CLDN16: variants seen among roughly 807,000 people sequenced by gnomAD.
The protein encoded by CLDN16 is claudin-16.
In CLDN16, 13 loss-of-function variants were observed where a neutral mutation model predicts 24.6. That is an observed-to-expected ratio of 0.53 (90% CI 0.34 to 0.84). The LOEUF (loss-of-function observed/expected upper bound fraction) is 0.84. Ranked by LOEUF, CLDN16 falls within the 40% of genes least tolerant of loss-of-function variation. The pLI is 0.01. For synonymous variants in CLDN16, 116 were observed against 106.7 expected, an observed-to-expected ratio of 1.09 and a Z score of -0.54; for missense variants, 298 against 292.7, an observed-to-expected ratio of 1.02 and a Z score of -0.13.
At chr3:190,385,664 G>T (rs181647030), upstream of CLDN16, among the ~76,000 whole-genome samples, 100 of 151,976 alleles carry the variant, frequency 6.6e-4, no homozygotes, top group African/African-American at 2.3e-3. Flanking sequence ...GCATTTTTTG[G>T]TCTTTATTTC....
chr3:190,374,997 T>G (rs1291378309), intron 3 of CLDN16, among the ~76,000 whole-genome samples: 3 of 151,962 alleles, frequency 2.0e-5, no homozygotes, highest in Admixed American at 2.0e-4. Context: ...ATATCTATAC[T>G]ATATTTCCTT....
intron 1 of CLDN16, among the ~76,000 whole-genome samples, chr3:190,324,004 T>C (rs1336557862): frequency 6.6e-6 from 1 of 151,928 alleles, no homozygotes; most frequent in Non-Finnish European, 1.5e-5. Flanking sequence ...GGATGTTCTG[T>C]GGGTGCCTGT....
At chr3:190,338,121 G>A (rs73192422) in intron 1 of CLDN16, among the ~76,000 whole-genome samples, 7,905 of 152,226 alleles carry the variant, frequency 0.052, 295 homozygotes, top group East Asian at 0.14. Context: ...GGAAATAGTA[G>A]CCCTACTTCA....
At chr3:190,345,223 G>A (rs1717525471) in intron 1 of CLDN16, among the ~76,000 whole-genome samples, 1 of 152,088 alleles carries the variant, frequency 6.6e-6, no homozygotes, top group Non-Finnish European at 1.5e-5. Flanking sequence ...GGGCAGGCAG[G>A]CAGGATTTTG....
At chr3:190,399,369 T>G (rs1377163234) in intron 1 of CLDN16, among the ~76,000 whole-genome samples, 1 of 150,276 alleles carries the variant, frequency 6.7e-6, no homozygotes, top group Non-Finnish European at 1.5e-5. Context: ...AAAAGTAGCC[T>G]GGCGTGGTGG....
At chr3:190,405,939 G>A (rs997903270) in intron 3 of CLDN16, among the ~76,000 whole-genome samples, 3 of 152,172 alleles carry the variant, frequency 2.0e-5, no homozygotes, top group African/African-American at 7.2e-5. Flanking sequence ...TCTGTTAGCA[G>A]GAAAAATCTT....
the CLDN16 span, among the ~76,000 whole-genome samples, chr3:190,314,724 A>G: frequency 6.6e-6 from 1 of 152,166 alleles, no homozygotes; most frequent in Non-Finnish European, 1.5e-5. Flanking sequence ...TCTAAAAAGT[A>G]TCAAAGGTAT....
chr3:190,332,844 A>G (rs535768497), intron 1 of CLDN16, among the ~76,000 whole-genome samples: 1 of 152,102 alleles, frequency 6.6e-6, no homozygotes, highest in Non-Finnish European at 1.5e-5. Context: ...GAATAAAAAT[A>G]GTCAAACCGA....
At chr3:190,315,083 G>A in the CLDN16 span, among the ~76,000 whole-genome samples, 2 of 152,280 alleles carry the variant, frequency 1.3e-5, no homozygotes, top group African/African-American at 4.8e-5. Context: ...CTGATGGATG[G>A]TTTTTGCAAA....
chr3:190,387,955 G>C, upstream of CLDN16: 1 of 675,514 alleles, frequency 1.5e-6, no homozygotes. Context: ...CATGGGGTGG[G>C]ACCCTTCCTC....
upstream of CLDN16, chr3:190,388,105 T>C (rs2108657971): frequency 6.2e-7 from 1 of 1,612,542 alleles, no homozygotes; most frequent in Non-Finnish European, 8.5e-7. Context: ...GATTGGAGGC[T>C]GGTTGCTTCG....
At chr3:190,308,557 A>G in the CLDN16 span, 3 of 960,552 alleles carry the variant, frequency 3.1e-6, no homozygotes, top group East Asian at 2.6e-5. Context: ...TAACCCCTGA[A>G]TATCCCTTGG....
chr3:190,400,246 T>C (rs895157318), intron 1 of CLDN16, among the ~76,000 whole-genome samples: 1 of 152,036 alleles, frequency 6.6e-6, no homozygotes, highest in Non-Finnish European at 1.5e-5. Context: ...TTTTTTTTTC[T>C]GTTTGTTTGT....
At chr3:190,299,451 G>C in the CLDN16 span, among the ~76,000 whole-genome samples, 5 of 152,064 alleles carry the variant, frequency 3.3e-5, no homozygotes, top group African/African-American at 1.2e-4. Flanking sequence ...TAACATAGTT[G>C]TATGTAACTA....
intron 3 of CLDN16, among the ~76,000 whole-genome samples, chr3:190,378,092 T>C (rs948329728): frequency 6.6e-6 from 1 of 152,010 alleles, no homozygotes; most frequent in African/African-American, 2.4e-5. Flanking sequence ...TGGGATAAGT[T>C]ACCACCCCAA....
upstream of CLDN16, among the ~76,000 whole-genome samples, chr3:190,384,237 A>G (rs1358843047): frequency 6.6e-6 from 1 of 152,164 alleles, no homozygotes; most frequent in Non-Finnish European, 1.5e-5. Context: ...AGGATATGGT[A>G]TAAGTCAGTT....
intron 1 of CLDN16, among the ~76,000 whole-genome samples, chr3:190,331,921 C>T (rs532272960): frequency 6.6e-6 from 1 of 152,314 alleles, no homozygotes; most frequent in East Asian, 1.9e-4. Context: ...TATCCCTTGG[C>T]TCATGGCCAT....
intron 1 of CLDN16, among the ~76,000 whole-genome samples, chr3:190,345,532 C>A (rs1022538110): frequency 1.3e-5 from 2 of 152,164 alleles, no homozygotes; most frequent in Admixed American, 6.5e-5. Context: ...AGAGCCTCTT[C>A]TTTCAGTTGT....
At chr3:190,333,032 G>T (rs558270219) in intron 1 of CLDN16, among the ~76,000 whole-genome samples, 1 of 152,066 alleles carries the variant, frequency 6.6e-6, no homozygotes, top group Admixed American at 6.6e-5. Context: ...GGAAAAAGGA[G>T]AATATTACTG....
Sources: allele counts gnomAD v4.1 joint callset (sites outside exome capture counted in the v4.1 genomes callset), GRCh38; gene constraint gnomAD v4.1.1; transcripts MANE v1.5; gene names NCBI Gene and HGNC (gene_info 2026-07-23, HGNC 2026-07-21).